LYST: variants seen among roughly 807,000 people sequenced by gnomAD.
The protein encoded by LYST is lysosomal trafficking regulator.
A neutral mutation model predicts 413.6 loss-of-function variants in LYST; 192 were observed. The ratio of observed to expected loss-of-function variants is 0.46; its 90% CI spans 0.41 to 0.52. The LOEUF (loss-of-function observed/expected upper bound fraction) is 0.52, where lower values mean the gene tolerates loss of function less well. Among genes scored for constraint, LYST ranks in the 20% least tolerant of loss-of-function variants. LYST has a pLI of 0.00. For synonymous variants in LYST, 1,525 were observed against 1,567.3 expected (o/e 0.97, Z 0.64); for missense variants, 3,815 against 4,499.9 (o/e 0.85, Z 4.35).
chr1:235,738,494 G>T, intron 31 of LYST: 2 of 1,612,140 alleles, frequency 1.2e-6, no homozygotes, highest in Non-Finnish European at 1.7e-6. Flanking sequence ...GTTGCAATCT[G>T]GACTCAGCCC....
Position 235,720,701 on chromosome 1 carries a change from C to T in LYST, c.9520G>A (p.Val3174Ile), listed in dbSNP as rs199672291. ...PVFPFILADY[V>I]SETLDLNDLL... The stretch of plus-strand genomic sequence containing the variant: ...TCATTGAGGTCAAGTGTCTCACTAA[C>T]GTAGTCAGCAAGTATAAATGGGAAC... Residue 3174 changes from valine (V) to isoleucine (I), a missense_variant, in exon 40 of 53, where the codon GTT becomes ATT. By Grantham distance (29) the Val-to-Ile change is conservative. Transcript: ENST00000389793. 136 of 1,613,576 alleles carry T rather than the reference C, an allele frequency of 8.4e-5. 1 individual carries two copies. The highest frequency in any genetic ancestry group is 5.0e-4 in the Middle Eastern group (3 of 6,060).
intron 1 of LYST, among the ~76,000 whole-genome samples, chr1:235,874,207 T>C (rs961854813): frequency 3.3e-5 from 5 of 152,202 alleles, no homozygotes; most frequent in African/African-American, 1.2e-4. Flanking sequence ...TGTCTCCAAC[T>C]CTACCTAGTC....
At chr1:235,762,696 T>C in intron 22 of LYST, 24 bp downstream of exon 22, 2 of 1,608,048 alleles carry the variant, frequency 1.2e-6, no homozygotes, top group Non-Finnish European at 1.7e-6. Flanking sequence ...GAGAAGGTCA[T>C]ACTTCCATTA....
chr1:235,879,551 A>G (rs1222608881), intron 1 of LYST, among the ~76,000 whole-genome samples: 1 of 152,222 alleles, frequency 6.6e-6, no homozygotes, highest in African/African-American at 2.4e-5. Context: ...ATTTTACTCC[A>G]GATACATAGT....
intron 33 of LYST, 51 bp downstream of exon 33, chr1:235,733,779 A>C: frequency 6.7e-7 from 1 of 1,496,602 alleles, no homozygotes; most frequent in Non-Finnish European, 9.3e-7. Flanking sequence ...AGTATATGTG[A>C]AATCTAATGG....
chr1:235,816,119 A>G (rs1572355357), intron 3 of LYST, among the ~76,000 whole-genome samples: 1 of 77,522 alleles, frequency 1.3e-5, no homozygotes, highest in Middle Eastern at 0.011. Flanking sequence ...ACAAAGTGAG[A>G]CTCCATCTCA....
intron 44 of LYST, among the ~76,000 whole-genome samples, chr1:235,708,369 T>C (rs1001051143): frequency 3.9e-5 from 6 of 152,186 alleles, no homozygotes; most frequent in African/African-American, 7.2e-5. Flanking sequence ...GTATGTAGGA[T>C]AGTGTGCGGA....
chr1:235,839,188 A>T (rs1676921606), intron 1 of LYST, among the ~76,000 whole-genome samples: 1 of 151,634 alleles, frequency 6.6e-6, no homozygotes, highest in Admixed American at 6.6e-5. Flanking sequence ...ATCTTAGCTC[A>T]TTATTCTACC....
At chr1:235,777,334 T>C in intron 16 of LYST, 26 bp from the exon 17 acceptor site, 1 of 1,603,962 alleles carries the variant, frequency 6.2e-7, no homozygotes, top group Non-Finnish European at 8.5e-7. Flanking sequence ...TTTCATTCAG[T>C]AATGACAACA....
chr1:235,824,436 GATCCCTTAA>G (rs1675104771), intron 3 of LYST, among the ~76,000 whole-genome samples: 1 of 152,132 alleles, frequency 6.6e-6, no homozygotes, highest in Non-Finnish European at 1.5e-5. Flanking sequence ...ATACTGGAAG[GATCCCTTAA>G]GTCATCCAGC....
chr1:235,759,930 T>G (rs568394033), intron 22 of LYST, among the ~76,000 whole-genome samples: 5 of 152,296 alleles, frequency 3.3e-5, no homozygotes, highest in Admixed American at 2.6e-4. Flanking sequence ...CTTAAAATTC[T>G]TAAATGCCAA....
intron 23 of LYST, among the ~76,000 whole-genome samples, chr1:235,757,692 A>T (rs1346176447): frequency 6.6e-6 from 1 of 152,188 alleles, no homozygotes; most frequent in Non-Finnish European, 1.5e-5. Context: ...CTGATGTCTA[A>T]TACAGTAGTC....
chr1:235,738,463 A>G, intron 31 of LYST: 4 of 1,612,888 alleles, frequency 2.5e-6, no homozygotes, highest in Non-Finnish European at 3.4e-6. Context: ...GGCTTTCCCA[A>G]AAACCATGTT....
At chr1:235,752,247 A>G in intron 26 of LYST, 76 bp from the exon 27 acceptor site, 2 of 1,104,964 alleles carry the variant, frequency 1.8e-6, no homozygotes, top group Non-Finnish European at 2.7e-6. Context: ...CAGCTAACTG[A>G]TTTAAATGGT....
At chr1:235,803,100 G>A (rs765059203) in intron 7 of LYST, 36 bp from the exon 8 acceptor site, 12 of 1,574,548 alleles carry the variant, frequency 7.6e-6, no homozygotes, top group Non-Finnish European at 1.0e-5. Flanking sequence ...TGTAACATTT[G>A]CTTGTTTTTA....
chr1:235,870,761 C>T (rs1464560748), upstream of LYST, among the ~76,000 whole-genome samples: 2 of 152,120 alleles, frequency 1.3e-5, no homozygotes, highest in African/African-American at 4.8e-5. Flanking sequence ...ATCCCAAGGA[C>T]CAGAACAGTG....
At chr1:235,869,760 A>G (rs1680849292), upstream of LYST, among the ~76,000 whole-genome samples, 1 of 148,866 alleles carries the variant, frequency 6.7e-6, no homozygotes, top group South Asian at 2.2e-4. Context: ...CTCTCAGATA[A>G]AAGCCAAAGT....
intron 40 of LYST, among the ~76,000 whole-genome samples, chr1:235,719,469 T>C (rs1237559624): frequency 9.9e-5 from 15 of 152,086 alleles, no homozygotes; most frequent in East Asian, 1.9e-4. Context: ...AGTGAAATAA[T>C]TGATTCAAGC....
intron 13 of LYST, among the ~76,000 whole-genome samples, chr1:235,788,019 T>C (rs1389246952): frequency 6.6e-6 from 1 of 152,216 alleles, no homozygotes; most frequent in Non-Finnish European, 1.5e-5. Flanking sequence ...ATAATGCACA[T>C]GGAAAACTTA....
Sources: gnomAD v4.1 joint callset for allele counts (sites outside exome capture counted in the v4.1 genomes callset) on GRCh38, gnomAD v4.1.1 for gene constraint, MANE v1.5 for transcripts, NCBI Gene and HGNC (gene_info 2026-07-23, HGNC 2026-07-21) for gene names.